KCNIP4: variants seen among roughly 807,000 people sequenced by gnomAD.
KCNIP4 encodes the protein potassium voltage-gated channel interacting protein 4.
In KCNIP4, 12 loss-of-function variants were observed where a neutral mutation model predicts 34.0. That is an observed-to-expected ratio of 0.35 (90% CI 0.23 to 0.57). KCNIP4 has a LOEUF of 0.57. Ranked by LOEUF, KCNIP4 falls within the 20% of genes least tolerant of loss-of-function variation. The probability of loss-of-function intolerance (pLI) is 0.83; values close to 1 mark genes in which losing one functional copy is unlikely to be tolerated. For synonymous variants in KCNIP4, 124 were observed against 102.2 expected (o/e 1.21, Z -1.29); for missense variants, 238 against 311.7 (o/e 0.76, Z 1.78).
chr4:21,773,732 G>GTTTTTTTTTTTTTTTTTT (rs1337547042), intron 1 of KCNIP4, among the ~76,000 whole-genome samples: 1 of 71,318 alleles, frequency 1.4e-5, no homozygotes, highest in African/African-American at 7.0e-5. Context: ...TGCAACCCCT[G>GTTTTTTTTTTTTTTTTTT]TTTTTTTTTG....
intron 1 of KCNIP4, among the ~76,000 whole-genome samples, chr4:21,013,201 A>G (rs1455660847): frequency 1.3e-5 from 2 of 152,200 alleles, no homozygotes; most frequent in Non-Finnish European, 2.9e-5. Flanking sequence ...CCACATCAGT[A>G]GGGCTATGAG....
intron 1 of KCNIP4, among the ~76,000 whole-genome samples, chr4:21,602,797 G>A (rs1743300854): frequency 6.6e-6 from 1 of 152,004 alleles, no homozygotes; most frequent in African/African-American, 2.4e-5. Context: ...AGAGTATGAA[G>A]CAATTCAAAT....
chr4:21,183,054 C>T (rs1754959457), intron 1 of KCNIP4, among the ~76,000 whole-genome samples: 3 of 152,122 alleles, frequency 2.0e-5, no homozygotes, highest in South Asian at 2.1e-4. Flanking sequence ...TTACTTTCTA[C>T]TTCTATAAGA....
chr4:21,074,219 C>T (rs1331161379), intron 1 of KCNIP4, among the ~76,000 whole-genome samples: 2 of 152,114 alleles, frequency 1.3e-5, no homozygotes, highest in Admixed American at 1.3e-4. Flanking sequence ...ATGGTATCAG[C>T]TCCTCCTTGT....
At chr4:21,071,654 A>T (rs904902302) in intron 1 of KCNIP4, among the ~76,000 whole-genome samples, 2 of 151,854 alleles carry the variant, frequency 1.3e-5, no homozygotes, top group Non-Finnish European at 1.5e-5. Flanking sequence ...TTGATTTTTT[A>T]AATTATACTT....
intron 1 of KCNIP4, among the ~76,000 whole-genome samples, chr4:20,919,698 G>A (rs369329781): frequency 0.015 from 1,722 of 115,534 alleles, 42 homozygotes; most frequent in African/African-American, 0.056. Context: ...GTGAGACTCC[G>A]TCTCAAAAAA....
intron 1 of KCNIP4, among the ~76,000 whole-genome samples, chr4:21,784,192 C>A (rs1043919554): frequency 5.9e-5 from 9 of 151,954 alleles, no homozygotes; most frequent in African/African-American, 2.2e-4. Flanking sequence ...TCGTGAGAAC[C>A]CACTCACTAT....
chr4:21,765,096 T>C (rs567536739), intron 1 of KCNIP4, among the ~76,000 whole-genome samples: 1 of 152,002 alleles, frequency 6.6e-6, no homozygotes, highest in Non-Finnish European at 1.5e-5. Context: ...ATAATAATAT[T>C]AGTACGAATT....
At chr4:21,062,235 G>A (rs922281931) in intron 1 of KCNIP4, among the ~76,000 whole-genome samples, 18 of 152,172 alleles carry the variant, frequency 1.2e-4, no homozygotes, top group Non-Finnish European at 2.1e-4. Flanking sequence ...ACAGACAAAT[G>A]GATAAGAAAT....
intron 1 of KCNIP4, among the ~76,000 whole-genome samples, chr4:21,093,002 C>A (rs4574407): frequency 0.17 from 25,600 of 152,192 alleles, 2,233 homozygotes; most frequent in East Asian, 0.24. Context: ...CTCTAAAAAA[C>A]TAACGGCTTT....
At chr4:21,418,154 T>TAC (rs1365955204) in intron 1 of KCNIP4, among the ~76,000 whole-genome samples, 1 of 152,106 alleles carries the variant, frequency 6.6e-6, no homozygotes, top group Non-Finnish European at 1.5e-5. Flanking sequence ...TCTATCGATC[T>TAC]ACACACACAC....
Position 20,732,691 on chromosome 4 carries a change from G to A in KCNIP4, c.632C>T (p.Thr211Ile). The change falls in exon 7 of 9, where the codon ACA becomes ATA. Residue 211 changes from threonine (T) to isoleucine (I), a missense_variant. Transcript: ENST00000382152. ...TGTTTTAATTCCTACCTGAAAAAAT[G>A]TTTCAACGTGTTGTCTGGGAGCATC... Reference protein sequence around the residue: ...KEDAPRQHVETFFQKMDKNKD... With the variant: ...KEDAPRQHVEIFFQKMDKNKD... 1.9e-6 allele frequency: 3 copies of A among 1,607,996 alleles called. No homozygotes were observed. The highest frequency in any genetic ancestry group is 2.6e-6 in the Non-Finnish European group (3 of 1,174,864).
chr4:20,745,096 A>G (rs190389906), intron 5 of KCNIP4, among the ~76,000 whole-genome samples: 31 of 152,328 alleles, frequency 2.0e-4, no homozygotes, highest in Admixed American at 8.5e-4. Flanking sequence ...CAACAGGAGC[A>G]ATGAATCATG....
At chr4:20,864,044 GCATGTATGTATACA>G (rs1722510053) in intron 2 of KCNIP4, among the ~76,000 whole-genome samples, 1 of 83,158 alleles carries the variant, frequency 1.2e-5, no homozygotes, top group African/African-American at 6.7e-5. Flanking sequence ...GTATGTATAC[GCATGTATGTATACA>G]CATGTATGTA....
intron 3 of KCNIP4, among the ~76,000 whole-genome samples, chr4:20,803,730 G>T (rs1030542025): frequency 8.0e-6 from 1 of 125,170 alleles, no homozygotes; most frequent in Non-Finnish European, 1.6e-5. Flanking sequence ...AGAGAGAGAG[G>T]AAGGAAGGAA....
At chr4:21,859,425 G>A (rs1368006500) in intron 1 of KCNIP4, among the ~76,000 whole-genome samples, 20 of 149,338 alleles carry the variant, frequency 1.3e-4, no homozygotes, top group Admixed American at 7.4e-4. Flanking sequence ...TGGCTAACAC[G>A]GAGAAACCCC....
At chr4:20,953,121 C>T (rs763186499) in intron 1 of KCNIP4, among the ~76,000 whole-genome samples, 6 of 152,204 alleles carry the variant, frequency 3.9e-5, no homozygotes, top group Non-Finnish European at 5.9e-5. Context: ...ATAGCACTTG[C>T]TAAGGTTTCA....
chr4:21,143,142 C>T (rs1036016997), intron 1 of KCNIP4, among the ~76,000 whole-genome samples: 10 of 152,182 alleles, frequency 6.6e-5, no homozygotes, highest in African/African-American at 2.4e-4. Flanking sequence ...AGACATTTTG[C>T]AGACGTGAAG....
In KCNIP4 at chr4:21,394,520, A is replaced by G. The variant is rs1178948563; in HGVS notation, c.62-511811T>C. On this transcript the variant is annotated intron_variant, in intron 1 of 8. Coordinates refer to ENST00000382152, the MANE Select transcript of KCNIP4 (RefSeq NM_025221.6). ...TGGGATTACTCATATGGAACCCAGT[A>G]TAAATATGCTGTCTTATCCTGCAAT... Among the ~76,000 whole-genome samples the G allele has an allele frequency of 2.6e-5, 4 of 152,204 alleles. No individual in the cohort carries two copies. In the East Asian group the frequency reaches 7.7e-4, roughly 29 times the overall value.
Sources: allele counts gnomAD v4.1 joint callset (sites outside exome capture counted in the v4.1 genomes callset), GRCh38; gene constraint gnomAD v4.1.1; transcripts MANE v1.5; gene names NCBI Gene and HGNC (gene_info 2026-07-23, HGNC 2026-07-21).